Variants in MARCHF4 observed in about 807,000 individuals in gnomAD.
MARCHF4 encodes E3 ubiquitin-protein ligase MARCHF4.
In MARCHF4, 14 loss-of-function variants were observed where a neutral mutation model predicts 43.9. The observed-to-expected ratio is 0.32, with a 90% CI of 0.21 to 0.50. MARCHF4 has a LOEUF of 0.50. Among genes scored for constraint, MARCHF4 ranks in the 20% least tolerant of loss-of-function variants. The pLI, the probability that MARCHF4 is intolerant of heterozygous loss-of-function variation, is 0.98. For synonymous variants in MARCHF4, 226 were observed against 213.3 expected (o/e 1.06, Z -0.52); for missense variants, 468 against 536.7 (o/e 0.87, Z 1.27).
At chr2:216,334,450 G>T (rs1289184193) in intron 1 of MARCHF4, among the ~76,000 whole-genome samples, 3 of 152,064 alleles carry the variant, frequency 2.0e-5, no homozygotes, top group African/African-American at 7.2e-5. Flanking sequence ...GCCCAGGGTG[G>T]AGTGCAGTGA....
At chr2:216,363,417 G>A (rs1692617566) in intron 1 of MARCHF4, among the ~76,000 whole-genome samples, 1 of 152,206 alleles carries the variant, frequency 6.6e-6, no homozygotes, top group South Asian at 2.1e-4. Flanking sequence ...TTGTATCCGT[G>A]CTTATGCGTG....
chr2:216,304,560 A>T (rs1466242038), intron 1 of MARCHF4, among the ~76,000 whole-genome samples: 2 of 152,148 alleles, frequency 1.3e-5, no homozygotes, highest in African/African-American at 4.8e-5. Context: ...TTCTCCTTGC[A>T]CTCTCATCCA....
chr2:216,310,871 C>A (rs1418509380), intron 1 of MARCHF4, among the ~76,000 whole-genome samples: 3 of 152,144 alleles, frequency 2.0e-5, no homozygotes, highest in African/African-American at 7.2e-5. Context: ...TCTGTTACTC[C>A]CCTTTCCTGG....
At position 216,275,263 on chromosome 2, in the gene MARCHF4, A is replaced by G. The variant is rs927441154; in HGVS notation, c.865+2409T>C. Among the ~76,000 whole-genome samples, 8 of 152,158 alleles carry G rather than the reference A, an allele frequency of 5.3e-5. No individual in the cohort carries two copies. In the East Asian group the frequency reaches 1.5e-3, roughly 29 times the overall value. ...AAAGCCAAGAAACAGGAGGAGGAGG[A>G]GAGGTGGCACAGAGCCCTACTCAGA... On this transcript the variant is annotated intron_variant, in intron 3 of 3. Transcript: ENST00000273067.
chr2:216,267,026 T>A (rs1690856337), intron 3 of MARCHF4, among the ~76,000 whole-genome samples: 1 of 152,202 alleles, frequency 6.6e-6, no homozygotes, highest in South Asian at 2.1e-4. Context: ...TCTTTTAAAA[T>A]CCCAAGGATT....
intron 1 of MARCHF4, among the ~76,000 whole-genome samples, chr2:216,343,495 A>T (rs1043892019): frequency 6.6e-6 from 1 of 152,080 alleles, no homozygotes; most frequent in African/African-American, 2.4e-5. Flanking sequence ...ATACCATCAC[A>T]TCGGAGGTTA....
At chr2:216,270,621 G>C (rs1690921248) in intron 3 of MARCHF4, among the ~76,000 whole-genome samples, 1 of 152,000 alleles carries the variant, frequency 6.6e-6, no homozygotes, top group Non-Finnish European at 1.5e-5. Context: ...CAAACTCTTG[G>C]CTTAGAGAGG....
At chr2:216,283,415 C>T (rs1416995120) in intron 2 of MARCHF4, among the ~76,000 whole-genome samples, 159 bp downstream of exon 2, 1 of 151,994 alleles carries the variant, frequency 6.6e-6, no homozygotes, top group East Asian at 1.9e-4. Flanking sequence ...TCCTTTCATC[C>T]CCTCCTGCCC....
At chr2:216,352,383 G>C (rs1410994237) in intron 1 of MARCHF4, among the ~76,000 whole-genome samples, 1 of 152,228 alleles carries the variant, frequency 6.6e-6, no homozygotes, top group African/African-American at 2.4e-5. Context: ...GCTCCAGGGA[G>C]GTCGACACAA....
At chr2:216,303,602 A>G (rs1691531495) in intron 1 of MARCHF4, 1 of 152,216 alleles carries the variant, frequency 6.6e-6, no homozygotes, top group South Asian at 2.1e-4. Context: ...CGCAATGCCC[A>G]AAGTGGGTGC....
intron 1 of MARCHF4, among the ~76,000 whole-genome samples, chr2:216,292,558 T>C (rs1171544245): frequency 6.6e-6 from 1 of 152,228 alleles, no homozygotes; most frequent in African/African-American, 2.4e-5. Flanking sequence ...ATCTCTATGA[T>C]GATAGACTTG....
chr2:216,343,275 A>G (rs1574483299), intron 1 of MARCHF4, among the ~76,000 whole-genome samples: 1 of 152,198 alleles, frequency 6.6e-6, no homozygotes, highest in Non-Finnish European at 1.5e-5. Context: ...TGGAGGCTGG[A>G]AAATCTGAGA....
rs139675841 is a variant in MARCHF4 at position 216,353,164 on chromosome 2, G to T, written c.516+16581C>A. Among the ~76,000 whole-genome samples, 15 of 152,110 alleles carry T rather than the reference G, an allele frequency of 9.9e-5. No individual in the cohort carries two copies. The East Asian group carries it at 2.7e-3, about 27-fold the overall frequency. On this transcript the variant is annotated intron_variant, in intron 1 of 3. Coordinates refer to ENST00000273067, the MANE Select transcript of MARCHF4 (RefSeq NM_020814.3). ...CTTCAACATAAAAAAAAAAATTGAG[G>T]CGATGTTCAAATGCACTGCCAAGTA...
At chr2:216,276,140 C>A (rs1336053383) in intron 3 of MARCHF4, among the ~76,000 whole-genome samples, 1 of 152,258 alleles carries the variant, frequency 6.6e-6, no homozygotes, top group Non-Finnish European at 1.5e-5. Flanking sequence ...GACAGGAAAG[C>A]ATGTCTTATA....
In MARCHF4 at chr2:216,326,500, A is replaced by T. The variant is rs538709603; in HGVS notation, c.517-42771T>A. ...GACTATAAATCATGCTGCTTTAAAG[A>T]CACATGCACACGTATGTTTATTGCG... On this transcript the variant is annotated intron_variant, in intron 1 of 3. Coordinates refer to ENST00000273067, the MANE Select transcript of MARCHF4 (RefSeq NM_020814.3). 7.5e-3 allele frequency among the ~76,000 whole-genome samples: 1,141 copies of T among 151,480 alleles called. 11 individuals are homozygous for T. Among genetic ancestry groups the T allele is most frequent in the African/African-American group, 0.025 (1,027 of 41,118 alleles).
intron 1 of MARCHF4, among the ~76,000 whole-genome samples, chr2:216,333,554 A>T (rs949760600): frequency 6.6e-6 from 1 of 152,178 alleles, no homozygotes; most frequent in African/African-American, 2.4e-5. Flanking sequence ...ACATATATGG[A>T]AATCTATGTG....
At chr2:216,356,230 G>A (rs752228348) in intron 1 of MARCHF4, among the ~76,000 whole-genome samples, 24 of 152,330 alleles carry the variant, frequency 1.6e-4, no homozygotes, top group Non-Finnish European at 2.8e-4. Context: ...CTGTTTAGAT[G>A]CTGAAGGGCC....
chr2:216,324,231 C>T (rs1158114824), intron 1 of MARCHF4, among the ~76,000 whole-genome samples: 31 of 147,630 alleles, frequency 2.1e-4, no homozygotes, highest in South Asian at 4.6e-4. Context: ...TGGATAAATT[C>T]CTCGACACAT....
intron 3 of MARCHF4, among the ~76,000 whole-genome samples, chr2:216,269,139 A>G (rs1265242107): frequency 4.6e-5 from 7 of 152,310 alleles, no homozygotes; most frequent in East Asian, 3.9e-4. Context: ...CCCTGACCCC[A>G]TATCAATCAC....
Sources: gnomAD v4.1 joint callset for allele counts (sites outside exome capture counted in the v4.1 genomes callset) on GRCh38, gnomAD v4.1.1 for gene constraint, MANE v1.5 for transcripts, NCBI Gene and HGNC (gene_info 2026-07-23, HGNC 2026-07-21) for gene names.